The following RAP1GAP variants were observed in gnomAD, a reference collection of about 807,000 sequenced individuals.
The protein encoded by RAP1GAP is RAP1 GTPase activating protein.
Under a neutral mutation model 87.2 loss-of-function variants are expected in RAP1GAP, and 35 were observed. The ratio of observed to expected loss-of-function variants is 0.40; its 90% CI spans 0.31 to 0.53. The LOEUF is 0.53. Ranked by LOEUF, RAP1GAP falls within the 20% of genes least tolerant of loss-of-function variation. The pLI is 0.48. For missense variants in RAP1GAP, 734 were observed against 898.9 expected, an observed-to-expected ratio of 0.82 and a Z score of 2.35; for synonymous variants, 375 against 363.9, an observed-to-expected ratio of 1.03 and a Z score of -0.35.
chr1:21,611,911 C>T, intron 11 of RAP1GAP, 95 bp from the exon 12 acceptor site: 3 of 1,497,996 alleles, frequency 2.0e-6, no homozygotes, highest in South Asian at 2.3e-5. Context: ...GAGGGAGGAC[C>T]TCTGGCAGCC....
chr1:21,602,702 G>A (rs1009401890), intron 19 of RAP1GAP, 102 bp downstream of exon 19: 8 of 1,018,506 alleles, frequency 7.9e-6, no homozygotes, highest in Non-Finnish European at 1.1e-5. Context: ...GGATGGAGAG[G>A]CAGAGGGGCG....
rs377564355 is a variant in RAP1GAP at position 21,616,219 on chromosome 1, C to T, written c.291+1087G>A. Among the ~76,000 whole-genome samples, 21 of 151,768 alleles carry T rather than the reference C, an allele frequency of 1.4e-4. No individual in the cohort carries two copies. In the East Asian group the frequency reaches 4.1e-3, roughly 30 times the overall value. On this transcript the variant is annotated intron_variant, in intron 7 of 24. Coordinates refer to ENST00000374765, the MANE Select transcript of RAP1GAP (RefSeq NM_002885.4). ...CAATGACTAGGAGCATGATCTCTCC[C>T]ATGCACCTTAATGGAAGGTCAGCCA...
chr1:21,645,857 C>T (rs1474129719), intron 2 of RAP1GAP, among the ~76,000 whole-genome samples: 2 of 152,250 alleles, frequency 1.3e-5, no homozygotes, highest in Admixed American at 6.5e-5. Flanking sequence ...GGCCCCAGGG[C>T]CTCTGGCTCA....
Position 21,669,191 on chromosome 1 carries a change from G to C in RAP1GAP, c.-149+63C>G. 2 of 1,233,268 alleles carry C rather than the reference G, an allele frequency of 1.6e-6. No homozygotes were observed. The highest frequency in any genetic ancestry group is 1.0e-6 in the Non-Finnish European group (1 of 966,718). 76.4% of individuals were successfully genotyped at this position (1,233,268 alleles called of 1,614,324 possible). ...CGGGGTCTTCGCTGCGAGCCGACGG[G>C]AGTCTGGACACCTCTGTCCCCTTCC... On this transcript the variant is annotated intron_variant, in intron 1 of 24. Coordinates refer to ENST00000374765, the MANE Select transcript of RAP1GAP (RefSeq NM_002885.4). This position sits in a 1 kb window ranked among gnomAD's most constrained non-coding sequence, Gnocchi z 5.6.
At chr1:21,633,678 G>T (rs905626954) in intron 2 of RAP1GAP, among the ~76,000 whole-genome samples, 3 of 152,124 alleles carry the variant, frequency 2.0e-5, no homozygotes, top group African/African-American at 4.8e-5. Flanking sequence ...GGTTCAGGGA[G>T]CCAATGAATA....
At chr1:21,651,719 C>A (rs926186322) in intron 1 of RAP1GAP, 4 of 1,461,678 alleles carry the variant, frequency 2.7e-6, no homozygotes, top group African/African-American at 1.4e-5. Flanking sequence ...CGGGCTCCCC[C>A]CCACGCGTGC....
At chr1:21,625,661 C>T (rs1229476751) in intron 3 of RAP1GAP, among the ~76,000 whole-genome samples, 1 of 152,222 alleles carries the variant, frequency 6.6e-6, no homozygotes, top group East Asian at 1.9e-4. Flanking sequence ...TCTCTTAGTA[C>T]ACAGTAAGTC....
rs140945894 is a variant in RAP1GAP at position 21,617,946 on chromosome 1, C to T, written c.93G>A (p.Pro31=). ...TCTAGCTGAGTACCTCGTGCACGCT[C>T]GGGTATGGAATGTAGTCCTCCTCTG... The part of the protein sequence containing the change: ...LKTEEDYIPY[P]SVHEVLGREG... Residue 31 remains proline, a synonymous_variant, in exon 6 of 25, where the codon CCG becomes CCA. Transcript: ENST00000374765. 4.4e-3 allele frequency: 7,101 copies of T among 1,614,114 alleles called. 15 individuals carry two copies. Among genetic ancestry groups the T allele is most frequent in the Non-Finnish European group, 5.0e-3 (5,955 of 1,180,006 alleles).
intron 2 of RAP1GAP, among the ~76,000 whole-genome samples, chr1:21,631,466 G>A (rs2093713944): frequency 6.6e-6 from 1 of 152,128 alleles, no homozygotes; most frequent in Non-Finnish European, 1.5e-5. Context: ...CGGGTGGATC[G>A]CCTGAGGCCA....
chr1:21,638,133 A>G (rs1379660618), intron 2 of RAP1GAP, among the ~76,000 whole-genome samples: 6 of 148,008 alleles, frequency 4.1e-5, no homozygotes, highest in African/African-American at 1.2e-4. Flanking sequence ...CCTGAGTAAC[A>G]GAGCAAGATC....
intron 23 of RAP1GAP, 59 bp from the exon 24 acceptor site, chr1:21,597,787 A>G (rs1645968587): frequency 1.9e-6 from 3 of 1,593,880 alleles, no homozygotes; most frequent in Non-Finnish European, 2.6e-6. Context: ...ACGGGGCGGG[A>G]GACACAGGTG....
At chr1:21,614,174 C>G in intron 7 of RAP1GAP, 85 bp from the exon 8 acceptor site, 1 of 878,356 alleles carries the variant, frequency 1.1e-6, no homozygotes, top group Non-Finnish European at 1.8e-6. Context: ...AACCCACTCC[C>G]AGATGCAGGT....
Position 21,613,513 on chromosome 1 carries a change from C to T in RAP1GAP, c.474+115G>A, listed in dbSNP as rs537509622. 19 of 1,005,878 alleles carry T rather than the reference C, an allele frequency of 1.9e-5. No homozygotes were observed. The East Asian group carries it at 2.9e-4, about 15-fold the overall frequency. 62.3% of individuals were successfully genotyped at this position (1,005,878 alleles called of 1,614,324 possible). A position where few individuals can be genotyped will look rare whatever the true frequency, so the allele number is the denominator to read the frequency against. ...AGTGAGAGACAGCCTCAGGATAGGG[C>T]GGCAGGCCAGGGCTAGGGCCTACAG... On this transcript the variant is annotated intron_variant, in intron 9 of 24. Coordinates refer to ENST00000374765, the MANE Select transcript of RAP1GAP (RefSeq NM_002885.4). The surrounding 1 kb of genome is among the most constrained non-coding windows in gnomAD (Gnocchi z 4.7).
At chr1:21,647,925 C>G (rs962550181) in intron 2 of RAP1GAP, among the ~76,000 whole-genome samples, 1 of 152,128 alleles carries the variant, frequency 6.6e-6, no homozygotes, top group Non-Finnish European at 1.5e-5. Flanking sequence ...TCCCGTTGAT[C>G]AGAAACACAG....
chr1:21,635,750 C>G (rs1451277061), intron 2 of RAP1GAP, among the ~76,000 whole-genome samples: 1 of 152,228 alleles, frequency 6.6e-6, no homozygotes, highest in Non-Finnish European at 1.5e-5. Flanking sequence ...CGGGGATAGA[C>G]AAGGTCACCA....
intron 1 of RAP1GAP, among the ~76,000 whole-genome samples, chr1:21,650,191 C>G (rs966335791): frequency 6.6e-6 from 1 of 151,974 alleles, no homozygotes; most frequent in Non-Finnish European, 1.5e-5. Flanking sequence ...TGCTGGATAT[C>G]TATGGTTTAT....
chr1:21,611,892 A>G, intron 11 of RAP1GAP, 76 bp from the exon 12 acceptor site: 2 of 1,516,560 alleles, frequency 1.3e-6, no homozygotes, highest in Non-Finnish European at 1.8e-6. Context: ...TTGGACCCAG[A>G]GAGGGCCGGA....
intron 2 of RAP1GAP, among the ~76,000 whole-genome samples, chr1:21,637,593 A>AT (rs2094960362): frequency 6.6e-6 from 1 of 152,142 alleles, no homozygotes. Flanking sequence ...TATAACACCA[A>AT]TGCATAAAGA....
intron 17 of RAP1GAP, among the ~76,000 whole-genome samples, chr1:21,606,474 A>G (rs1017797264): frequency 1.3e-5 from 2 of 152,154 alleles, no homozygotes; most frequent in Non-Finnish European, 2.9e-5. Flanking sequence ...CCTTGGGGAC[A>G]CCACTTCAGT....
Sources: gnomAD v4.1 joint callset for allele counts (sites outside exome capture counted in the v4.1 genomes callset) on GRCh38, gnomAD v4.1.1 for gene constraint, Gnocchi (gnomAD v3.1) non-coding constraint, MANE v1.5 for transcripts, NCBI Gene and HGNC (gene_info 2026-07-23, HGNC 2026-07-21) for gene names.